REDIC1: variants seen among roughly 807,000 people sequenced by gnomAD.
The protein encoded by REDIC1 is regulator of DNA class I crossover intermediates 1.
chr12:39,659,726 G>A, the REDIC1 span, among the ~76,000 whole-genome samples: 3 of 151,814 alleles, frequency 2.0e-5, no homozygotes, highest in Non-Finnish European at 2.9e-5. Context: ...CATTATTTTT[G>A]TCATTTCTTG....
the REDIC1 span, chr12:39,647,806 C>T: frequency 6.3e-7 from 1 of 1,581,306 alleles, no homozygotes; most frequent in African/African-American, 1.4e-5. Flanking sequence ...AAGGCATGGA[C>T]TCATATAGTA....
At chr12:39,674,025 A>T in the REDIC1 span, among the ~76,000 whole-genome samples, 3 of 152,206 alleles carry the variant, frequency 2.0e-5, no homozygotes, top group African/African-American at 7.2e-5. Flanking sequence ...ATAGGAAAAC[A>T]TAAATTGTTT....
chr12:39,865,582 A>G, the REDIC1 span, among the ~76,000 whole-genome samples: 1 of 152,232 alleles, frequency 6.6e-6, no homozygotes, highest in Non-Finnish European at 1.5e-5. Flanking sequence ...CTAATGGCAA[A>G]TAAGACATTT....
At chr12:39,719,586 C>A in the REDIC1 span, among the ~76,000 whole-genome samples, 1 of 151,966 alleles carries the variant, frequency 6.6e-6, no homozygotes, top group African/African-American at 2.4e-5. Context: ...TGCACTCCAA[C>A]CCAGGCAATG....
At chr12:39,713,103 A>C in the REDIC1 span, among the ~76,000 whole-genome samples, 1 of 148,980 alleles carries the variant, frequency 6.7e-6, no homozygotes, top group East Asian at 2.0e-4. Flanking sequence ...ATATGTGCAT[A>C]TACGTATATA....
the REDIC1 span, among the ~76,000 whole-genome samples, chr12:39,668,725 C>G: frequency 6.6e-6 from 1 of 152,150 alleles, no homozygotes. Context: ...TTCACATAGT[C>G]CCATATTTCT....
chr12:39,871,674 A>AT, the REDIC1 span: 13 of 1,002,958 alleles, frequency 1.3e-5, no homozygotes, highest in East Asian at 3.3e-4. Context: ...AAGAACTCTA[A>AT]TTTTTTTGTT....
the REDIC1 span, among the ~76,000 whole-genome samples, chr12:39,707,398 A>T: frequency 6.6e-6 from 1 of 151,956 alleles, no homozygotes; most frequent in Non-Finnish European, 1.5e-5. Flanking sequence ...GAACCCTTAT[A>T]CACTACCAAT....
At chr12:39,753,930 T>C in the REDIC1 span, among the ~76,000 whole-genome samples, 1 of 152,164 alleles carries the variant, frequency 6.6e-6, no homozygotes, top group Non-Finnish European at 1.5e-5. Flanking sequence ...CTAAATGATT[T>C]GAATTCAGTC....
chr12:39,896,305 TATAC>T, the REDIC1 span, among the ~76,000 whole-genome samples: 1 of 141,826 alleles, frequency 7.1e-6, no homozygotes. Context: ...TGTATATATG[TATAC>T]ATATATGTAT....
the REDIC1 span, among the ~76,000 whole-genome samples, chr12:39,814,083 T>C: frequency 2.3e-3 from 343 of 152,324 alleles, 2 homozygotes; most frequent in East Asian, 2.5e-3. Flanking sequence ...AATATTCTCT[T>C]CACTTTTGCC....
At chr12:39,728,386 CATATATT>C in the REDIC1 span, among the ~76,000 whole-genome samples, 1 of 151,718 alleles carries the variant, frequency 6.6e-6, no homozygotes, top group Non-Finnish European at 1.5e-5. Flanking sequence ...CCTTTTTTTG[CATATATT>C]GAGATAATCA....
At chr12:39,795,193 C>CCTCT in the REDIC1 span, among the ~76,000 whole-genome samples, 2 of 150,266 alleles carry the variant, frequency 1.3e-5, no homozygotes, top group African/African-American at 4.9e-5. Context: ...TCTCCCCCCA[C>CCTCT]CTCTCTCTCT....
At chr12:39,701,374 CAAG>C in the REDIC1 span, among the ~76,000 whole-genome samples, 6 of 152,148 alleles carry the variant, frequency 3.9e-5, no homozygotes, top group African/African-American at 1.4e-4. Flanking sequence ...ATCAATTCAA[CAAG>C]AAGAGCTAAC....
chr12:39,867,641 T>C, the REDIC1 span, among the ~76,000 whole-genome samples: 1 of 152,202 alleles, frequency 6.6e-6, no homozygotes, highest in Non-Finnish European at 1.5e-5. Context: ...TATAGAAAAT[T>C]CCTAAATAGG....
At chr12:39,824,362 G>A in the REDIC1 span, among the ~76,000 whole-genome samples, 4 of 152,138 alleles carry the variant, frequency 2.6e-5, no homozygotes, top group African/African-American at 9.7e-5. Flanking sequence ...TTACAAGTTG[G>A]ATAATGGGAG....
At chr12:39,901,894 T>C in the REDIC1 span, among the ~76,000 whole-genome samples, 2 of 151,584 alleles carry the variant, frequency 1.3e-5, no homozygotes, top group Admixed American at 6.6e-5. Flanking sequence ...CATGCACACG[T>C]ATGTTTATTG....
the REDIC1 span, chr12:39,721,393 G>T: frequency 1.5e-6 from 1 of 669,306 alleles, no homozygotes; most frequent in Non-Finnish European, 2.5e-6. Flanking sequence ...GTATATTCAC[G>T]GTTCATGTTA....
chr12:39,891,793 G>T, the REDIC1 span, among the ~76,000 whole-genome samples: 1 of 152,110 alleles, frequency 6.6e-6, no homozygotes, highest in Non-Finnish European at 1.5e-5. Flanking sequence ...ATCTAAACAG[G>T]CTCAACATTT....
Sources: allele counts gnomAD v4.1 joint callset (sites outside exome capture counted in the v4.1 genomes callset), GRCh38; gene constraint gnomAD v4.1.1; transcripts MANE v1.5; gene names NCBI Gene and HGNC (gene_info 2026-07-23, HGNC 2026-07-21).